Variants in GABRR2 observed in about 807,000 individuals in gnomAD.
The protein encoded by GABRR2 is gamma-aminobutyric acid receptor subunit rho-2.
Under a neutral mutation model 47.0 loss-of-function variants are expected in GABRR2, and 36 were observed. The observed-to-expected ratio is 0.77, with a 90% confidence interval of 0.59 to 1.01. The LOEUF is 1.01. Ranked by LOEUF, GABRR2 falls within the 50% of genes least tolerant of loss-of-function variation. GABRR2 has a pLI of 0.00. For synonymous variants in GABRR2, 204 were observed against 227.5 expected (o/e 0.90, Z 0.93); for missense variants, 587 against 594.6 (o/e 0.99, Z 0.13).
chr6:89,265,045 C>A (rs542696028), intron 7 of GABRR2, among the ~76,000 whole-genome samples: 2 of 152,252 alleles, frequency 1.3e-5, no homozygotes, highest in Non-Finnish European at 1.5e-5. Context: ...GCCCATCATG[C>A]GGGATTCTTC....
intron 8 of GABRR2, 39 bp downstream of exon 8, chr6:89,264,373 C>G (rs775871807): frequency 1.3e-6 from 2 of 1,581,464 alleles, no homozygotes; most frequent in East Asian, 4.5e-5. Context: ...TTTCACCCAG[C>G]AGCATGGACT....
intron 2 of GABRR2, among the ~76,000 whole-genome samples, chr6:89,283,843 G>C (rs1380509708): frequency 6.6e-6 from 1 of 152,122 alleles, no homozygotes; most frequent in Non-Finnish European, 1.5e-5. Context: ...GTCTATTGAA[G>C]GGCATGGATT....
At chr6:89,299,995 GAGA>G (rs1774639004) in intron 1 of GABRR2, 130 bp from the exon 2 acceptor site, 5 of 637,868 alleles carry the variant, frequency 7.8e-6, no homozygotes, top group South Asian at 1.8e-5. Flanking sequence ...TGGCCCAGGG[GAGA>G]AGGAGGGCTG....
At chr6:89,259,488 A>G (rs899395263) in intron 8 of GABRR2, among the ~76,000 whole-genome samples, 27 of 149,284 alleles carry the variant, frequency 1.8e-4, no homozygotes, top group Non-Finnish European at 4.5e-5. Context: ...CATCAGTAAC[A>G]CTTCTTTTTT....
intron 8 of GABRR2, among the ~76,000 whole-genome samples, chr6:89,263,341 A>G (rs985673908): frequency 3.3e-5 from 5 of 152,228 alleles, no homozygotes; most frequent in Non-Finnish European, 7.3e-5. Context: ...TCGACTGTTT[A>G]TCTTATCAGT....
chr6:89,280,275 TAC>T (rs1293126477), intron 2 of GABRR2, among the ~76,000 whole-genome samples: 1 of 142,838 alleles, frequency 7.0e-6, no homozygotes, highest in African/African-American at 2.6e-5. Context: ...CATATACACA[TAC>T]ACACACATAG....
chr6:89,309,584 TAA>T (rs1198272361), intron 1 of GABRR2, among the ~76,000 whole-genome samples: 1 of 152,186 alleles, frequency 6.6e-6, no homozygotes, highest in Non-Finnish European at 1.5e-5. Context: ...AAAAAATGTT[TAA>T]GACTTTTTTT....
chr6:89,295,384 A>G lies in GABRR2; in HGVS notation c.220+4375T>C, dbSNP rs1489755091. Among the ~76,000 whole-genome samples the G allele has an allele frequency of 2.0e-5, 3 of 152,130 alleles. No individual in the cohort carries two copies. In the East Asian group the frequency reaches 5.8e-4, roughly 29 times the overall value. ...TGTGGTTTTGATTTGCATTTCTCTG[A>G]TGGCCAGTGATGATGAGCATTTTTT... On this transcript the variant is annotated intron_variant, in intron 2 of 8. Transcript: ENST00000402938.
chr6:89,305,183 T>C (rs1767536873), intron 1 of GABRR2, among the ~76,000 whole-genome samples: 1 of 151,724 alleles, frequency 6.6e-6, no homozygotes, highest in South Asian at 2.1e-4. Context: ...GGCAAAACCC[T>C]GTCTCTACTA....
intron 8 of GABRR2, among the ~76,000 whole-genome samples, chr6:89,263,440 G>T (rs1773797170): frequency 6.6e-6 from 1 of 152,102 alleles, no homozygotes; most frequent in South Asian, 2.1e-4. Flanking sequence ...CAAGGGGTCA[G>T]CCCCCCCAAC....
rs190845120 is a variant in GABRR2, at chr6:89,296,821, G to A, written c.220+2938C>T. 1.0e-3 allele frequency among the ~76,000 whole-genome samples: 158 copies of A among 152,324 alleles called. 1 individual carries two copies. The highest frequency in any genetic ancestry group is 2.1e-3 in the Admixed American group (32 of 15,304). ...GGAACATGGCAGGATTTCATCTGCC[G>A]TTCCAAGAGCTAGCTCCTGGTGGGA... On this transcript the variant is annotated intron_variant, in intron 2 of 8. Transcript: ENST00000402938.
At chr6:89,277,107 A>G (rs930211816) in intron 2 of GABRR2, among the ~76,000 whole-genome samples, 1 of 152,056 alleles carries the variant, frequency 6.6e-6, no homozygotes, top group Non-Finnish European at 1.5e-5. Flanking sequence ...CATCATCCCC[A>G]CTTGTCAGAC....
At chr6:89,288,174 C>A (rs1774363756) in intron 2 of GABRR2, among the ~76,000 whole-genome samples, 1 of 152,114 alleles carries the variant, frequency 6.6e-6, no homozygotes, top group Non-Finnish European at 1.5e-5. Flanking sequence ...TGGCTGCAAA[C>A]TTCCATCTGC....
In GABRR2 at chr6:89,255,454, T is replaced by C. The variant is rs1348983576; in HGVS notation, c.*2216A>G. ...CTCTGTCTCAGAAAAGAAAAAAAGGTTTCTAAACAAGTCCAGATGCCCTGT... is the reference window on the plus strand; with the variant it reads ...CTCTGTCTCAGAAAAGAAAAAAAGGCTTCTAAACAAGTCCAGATGCCCTGT... On this transcript the variant is annotated 3_prime_UTR_variant, in exon 9 of 9. Transcript: ENST00000402938. Among the ~76,000 whole-genome samples the C allele has an allele frequency of 2.0e-5, 3 of 151,900 alleles. No individual in the cohort carries two copies. The highest frequency in any genetic ancestry group is 4.4e-5 in the Non-Finnish European group (3 of 67,944).
intron 2 of GABRR2, 93 bp from the exon 3 acceptor site, chr6:89,271,815 C>A: frequency 4.0e-6 from 4 of 1,012,142 alleles, no homozygotes; most frequent in Non-Finnish European, 6.1e-6. Context: ...GGAGCCAGGA[C>A]TGGAGCAGAG....
chr6:89,288,540 G>A (rs143219894), intron 2 of GABRR2, among the ~76,000 whole-genome samples: 43 of 152,268 alleles, frequency 2.8e-4, no homozygotes, highest in East Asian at 2.3e-3. Context: ...AGCTGAGCCC[G>A]GTCAATCCAA....
At chr6:89,298,091 C>T (rs1198129211) in intron 2 of GABRR2, among the ~76,000 whole-genome samples, 1 of 152,142 alleles carries the variant, frequency 6.6e-6, no homozygotes, top group Non-Finnish European at 1.5e-5. Context: ...CGAGGAAACC[C>T]AAGAGCTACC....
In GABRR2 at chr6:89,257,755, G is replaced by A; in HGVS notation, c.1313C>T (p.Thr438Ile). 1 of 1,613,996 alleles carries A rather than the reference G, an allele frequency of 6.2e-7. No individual in the cohort carries two copies. Among genetic ancestry groups the A allele is most frequent in the Non-Finnish European group, 8.5e-7 (1 of 1,179,870 alleles). The change falls in exon 9 of 9, where the codon ACC becomes ATC. Residue 438 changes from threonine (T) to isoleucine (I), a missense_variant. Coordinates refer to ENST00000402938, the MANE Select transcript of GABRR2 (RefSeq NM_002043.5). ...CCTAGAGTATTTGTCAATGGCATGGGTATTCTGGAAGATACGAAAACCCGT... is the reference window on the plus strand; with the variant it reads ...CCTAGAGTATTTGTCAATGGCATGGATATTCTGGAAGATACGAAAACCCGT... ...GQTGFRIFQNTHAIDKYSRLI... is the reference protein window; with the variant it reads ...GQTGFRIFQNIHAIDKYSRLI...
chr6:89,273,862 T>C (rs1292934404), intron 2 of GABRR2, among the ~76,000 whole-genome samples: 3 of 152,220 alleles, frequency 2.0e-5, no homozygotes, highest in Non-Finnish European at 4.4e-5. Flanking sequence ...GTACTCTCCC[T>C]GTTCCCCATC....
Sources: allele counts gnomAD v4.1 joint callset (sites outside exome capture counted in the v4.1 genomes callset), GRCh38; gene constraint gnomAD v4.1.1; transcripts MANE v1.5; gene names NCBI Gene and HGNC (gene_info 2026-07-23, HGNC 2026-07-21).